Variants in SYT17 observed in about 807,000 individuals in gnomAD.
SYT17 encodes synaptotagmin-17.
Under a neutral mutation model 46.7 loss-of-function variants are expected in SYT17, and 22 were observed. The observed-to-expected ratio is 0.47, with a 90% CI of 0.34 to 0.67. The LOEUF (loss-of-function observed/expected upper bound fraction) is 0.67. Ranked by LOEUF, SYT17 falls within the 30% of genes least tolerant of loss-of-function variation. The pLI is 0.01. For synonymous variants in SYT17, 251 were observed against 248.4 expected, an observed-to-expected ratio of 1.01 and a Z score of -0.10; for missense variants, 519 against 612.8, an observed-to-expected ratio of 0.85 and a Z score of 1.62.
chr16:19,254,191 C>A (rs117271638), intron 7 of SYT17, among the ~76,000 whole-genome samples: 5 of 152,200 alleles, frequency 3.3e-5, no homozygotes, highest in African/African-American at 1.2e-4. Flanking sequence ...CCACCACAGG[C>A]ACCACCCTCT....
intron 7 of SYT17, among the ~76,000 whole-genome samples, chr16:19,226,488 T>G (rs780593036): frequency 3.8e-4 from 58 of 152,198 alleles, no homozygotes; most frequent in Non-Finnish European, 7.5e-4. Flanking sequence ...CTGAGACCCC[T>G]TCGAAGCAGG....
Position 19,266,906 on chromosome 16 carries a change from A to C in SYT17, c.1255A>C (p.Asn419His). Residue 419 changes from asparagine to histidine, a missense_variant, in exon 8 of 8, where the codon AAT becomes CAT. By Grantham distance (68) the Asn-to-His change is moderately conservative. Coordinates refer to ENST00000355377, the MANE Select transcript of SYT17 (RefSeq NM_016524.4). ...TTTCGGCCACAACATGAAGAGCAGC[A>C]ATGACTTCATCGGGAGGATCGTCAT... The part of the protein sequence containing the change: ...TVFGHNMKSS[N>H]DFIGRIVIGQ... 2.5e-6 allele frequency: 4 copies of C among 1,613,576 alleles called. No individual in the cohort carries two copies. Among genetic ancestry groups the C allele is most frequent in the Non-Finnish European group, 3.4e-6 (4 of 1,179,956 alleles).
chr16:19,217,581 G>A (rs555410526), intron 5 of SYT17, among the ~76,000 whole-genome samples: 61 of 152,322 alleles, frequency 4.0e-4, no homozygotes, highest in African/African-American at 1.4e-3. Flanking sequence ...GATAGGTGAT[G>A]TTTTGTTTAT....
chr16:19,182,973 A>T (rs1472341471), intron 4 of SYT17, among the ~76,000 whole-genome samples: 1 of 152,196 alleles, frequency 6.6e-6, no homozygotes, highest in Non-Finnish European at 1.5e-5. Flanking sequence ...CCAGAGAGTC[A>T]AAAGAATATG....
intron 7 of SYT17, among the ~76,000 whole-genome samples, chr16:19,251,324 CT>C (rs1169824640): frequency 6.6e-6 from 1 of 152,218 alleles, no homozygotes; most frequent in African/African-American, 2.4e-5. Flanking sequence ...GACACCTTGT[CT>C]TGCACAAGGA....
chr16:19,172,478 C>G, intron 1 of SYT17: 1 of 1,465,992 alleles, frequency 6.8e-7, no homozygotes. Context: ...TGATTCATAA[C>G]AGCATACGGT....
intron 7 of SYT17, among the ~76,000 whole-genome samples, chr16:19,230,996 A>C (rs978301316): frequency 2.6e-5 from 4 of 152,240 alleles, no homozygotes; most frequent in Non-Finnish European, 5.9e-5. Context: ...ATATATATAC[A>C]TAAATAAATA....
intron 7 of SYT17, among the ~76,000 whole-genome samples, chr16:19,236,138 A>C (rs1293667071): frequency 2.0e-5 from 3 of 152,110 alleles, no homozygotes; most frequent in African/African-American, 7.2e-5. Context: ...CCTTCTCAGA[A>C]AACATTAGCA....
At chr16:19,174,840 G>C (rs1964251477) in intron 3 of SYT17, among the ~76,000 whole-genome samples, 1 of 152,196 alleles carries the variant, frequency 6.6e-6, no homozygotes, top group Admixed American at 6.5e-5. Flanking sequence ...ACTCTGGCTG[G>C]GCGCAGTGGC....
At chr16:19,260,445 A>G (rs7186394) in intron 7 of SYT17, among the ~76,000 whole-genome samples, 98,480 of 139,110 alleles carry the variant, frequency 0.71, 36,020 homozygotes, top group East Asian at 0.99. Flanking sequence ...GGGAGGCAGA[A>G]GTTGCAGTGA....
At chr16:19,192,599 G>T (rs1965069909) in intron 5 of SYT17, among the ~76,000 whole-genome samples, 1 of 152,134 alleles carries the variant, frequency 6.6e-6, no homozygotes, top group Non-Finnish European at 1.5e-5. Flanking sequence ...AGAAAACGTT[G>T]AGGAGCAAAA....
At chr16:19,190,028 G>T (rs1197555305) in intron 5 of SYT17, among the ~76,000 whole-genome samples, 1 of 152,190 alleles carries the variant, frequency 6.6e-6, no homozygotes. Flanking sequence ...AGGTTGGCTG[G>T]AAGATAATGA....
chr16:19,241,866 G>A (rs2142967678), intron 7 of SYT17, among the ~76,000 whole-genome samples: 1 of 152,310 alleles, frequency 6.6e-6, no homozygotes, highest in African/African-American at 2.4e-5. Flanking sequence ...TGGGGCACAG[G>A]GGTCCCACCA....
chr16:19,169,126 C>T (rs547749759), intron 1 of SYT17, among the ~76,000 whole-genome samples: 5 of 152,166 alleles, frequency 3.3e-5, no homozygotes, highest in African/African-American at 1.2e-4. Flanking sequence ...GACGTCGTCT[C>T]TCCTGGGCAC....
intron 7 of SYT17, among the ~76,000 whole-genome samples, chr16:19,265,892 T>A (rs1969323456): frequency 6.6e-6 from 1 of 152,202 alleles, no homozygotes; most frequent in African/African-American, 2.4e-5. Flanking sequence ...GTGGAAGAAG[T>A]TGCCGTAGCC....
chr16:19,258,283 G>A (rs1968719118), intron 7 of SYT17, among the ~76,000 whole-genome samples: 1 of 152,114 alleles, frequency 6.6e-6, no homozygotes, highest in Non-Finnish European at 1.5e-5. Context: ...GGGGCGGGAA[G>A]GGTGGCAATT....
At chr16:19,209,927 C>G (rs1304786200) in intron 5 of SYT17, among the ~76,000 whole-genome samples, 1 of 151,826 alleles carries the variant, frequency 6.6e-6, no homozygotes, top group Admixed American at 6.6e-5. Context: ...ACAAAAAACC[C>G]TAAGTATCTA....
chr16:19,217,923 A>G (rs966565160), intron 5 of SYT17, among the ~76,000 whole-genome samples: 2 of 152,224 alleles, frequency 1.3e-5, no homozygotes, highest in African/African-American at 4.8e-5. Context: ...CTCTCCACCA[A>G]TAGATACTGA....
intron 1 of SYT17, chr16:19,172,240 A>G (rs149117892): frequency 2.0e-4 from 176 of 863,546 alleles, no homozygotes; most frequent in Non-Finnish European, 2.5e-4. Context: ...AGTTCCCTCT[A>G]TTTGTGGGTG....
Sources: allele counts gnomAD v4.1 joint callset (sites outside exome capture counted in the v4.1 genomes callset), GRCh38; gene constraint gnomAD v4.1.1; transcripts MANE v1.5; gene names NCBI Gene and HGNC (gene_info 2026-07-23, HGNC 2026-07-21).